Variants in GPNMB observed in about 807,000 individuals in gnomAD.
GPNMB encodes the protein glycoprotein nmb, also known as transmembrane glycoprotein NMB.
In GPNMB, 71 loss-of-function variants were observed where a neutral mutation model predicts 57.3. The observed-to-expected ratio is 1.24, with a 90% CI of 1.02 to 1.51. GPNMB has a LOEUF of 1.51. Ranked by LOEUF, GPNMB falls within the 40% of genes most tolerant of loss-of-function variation. The probability of loss-of-function intolerance (pLI) is 0.00; values close to 1 mark genes in which losing one functional copy is unlikely to be tolerated. For missense variants in GPNMB, 677 were observed against 691.9 expected (o/e 0.98, Z 0.24); for synonymous variants, 253 against 263.2 (o/e 0.96, Z 0.38).
chr7:23,263,978 C>T (rs1782994571), intron 6 of GPNMB, among the ~76,000 whole-genome samples: 2 of 151,850 alleles, frequency 1.3e-5, no homozygotes, highest in Non-Finnish European at 2.9e-5. Context: ...GAAGAGGTGA[C>T]CCAGGTAGAT....
intron 7 of GPNMB, 85 bp from the exon 8 acceptor site, chr7:23,267,801 T>A: frequency 1.1e-6 from 1 of 938,352 alleles, no homozygotes; most frequent in Non-Finnish European, 1.7e-6. Flanking sequence ...GACACAAACA[T>A]TCAATCTATA....
intron 9 of GPNMB, among the ~76,000 whole-genome samples, chr7:23,270,661 C>T (rs1783182243): frequency 6.6e-6 from 1 of 152,220 alleles, no homozygotes; most frequent in Non-Finnish European, 1.5e-5. Flanking sequence ...CATGCATCCT[C>T]TCTTTCCCTT....
chr7:23,269,161 T>G (rs926698986), intron 8 of GPNMB, among the ~76,000 whole-genome samples: 1 of 152,060 alleles, frequency 6.6e-6, no homozygotes, highest in African/African-American at 2.4e-5. Flanking sequence ...CTGAGGCGGT[T>G]GATCACCTGA....
chr7:23,255,759 T>C (rs894223703), intron 3 of GPNMB, among the ~76,000 whole-genome samples: 2 of 152,238 alleles, frequency 1.3e-5, no homozygotes, highest in African/African-American at 4.8e-5. Flanking sequence ...TTTTTATTGA[T>C]ACATGATAAT....
intron 3 of GPNMB, among the ~76,000 whole-genome samples, chr7:23,255,252 C>T (rs1583818368): frequency 6.6e-6 from 1 of 152,082 alleles, no homozygotes. Flanking sequence ...CATTTGACCT[C>T]GTGGTCCGCC....
chr7:23,267,429 ATGTCTT>A (rs1448855903), intron 7 of GPNMB, among the ~76,000 whole-genome samples: 2 of 151,972 alleles, frequency 1.3e-5, no homozygotes, highest in East Asian at 3.9e-4. Context: ...TCACTTTCTG[ATGTCTT>A]AAGAGCTGTA....
In GPNMB at chr7:23,257,437, G is replaced by A. The variant is rs183108679; in HGVS notation, c.541+372G>A. 570 of 338,264 alleles carry A rather than the reference G, an allele frequency of 1.7e-3. 3 individuals carry two copies. The highest frequency in any genetic ancestry group is 0.015 in the Middle Eastern group (17 of 1,102). 21.0% of individuals were successfully genotyped at this position (338,264 alleles called of 1,614,324 possible). ...TTGTAATCCCAGCACCTTGGAAGGC[G>A]GAGGCGGGTGGATCACCTGAAGTCA... On this transcript the variant is annotated intron_variant, in intron 4 of 10. Coordinates refer to ENST00000258733, the MANE Select transcript of GPNMB (RefSeq NM_002510.3).
chr7:23,260,598 C>T lies in GPNMB; in HGVS notation c.843C>T (p.Tyr281=). 6.2e-7 allele frequency: 1 copy of T among 1,613,988 alleles called. No homozygotes were observed. The highest frequency in any genetic ancestry group is 2.2e-5 in the East Asian group (1 of 44,880). The stretch of plus-strand genomic sequence containing the variant: ...TCCTCAATTATTCTACCATTAACTA[C>T]AAGTGGAGCTTCGGGGATAATACTG... The part of the protein sequence containing the change: ...SHFLNYSTIN[Y]KWSFGDNTGL... The change falls in exon 6 of 11, where the codon TAC becomes TAT. Residue 281 remains tyrosine, a synonymous_variant. Coordinates refer to ENST00000258733, the MANE Select transcript of GPNMB (RefSeq NM_002510.3).
chr7:23,260,356 C>A, intron 5 of GPNMB, 100 bp from the exon 6 acceptor site: 1 of 1,083,950 alleles, frequency 9.2e-7, no homozygotes, highest in Non-Finnish European at 1.3e-6. Context: ...GCTAAATTAT[C>A]CCTCATTTTA....
chr7:23,268,113 T>C, intron 8 of GPNMB, 125 bp downstream of exon 8: 1 of 661,026 alleles, frequency 1.5e-6, no homozygotes, highest in Non-Finnish European at 2.7e-6. Context: ...TGAATTCCTA[T>C]TTACTGGTAA....
intron 8 of GPNMB, 85 bp downstream of exon 8, chr7:23,268,073 C>G: frequency 1.2e-6 from 1 of 803,632 alleles, no homozygotes; most frequent in South Asian, 1.5e-5. Flanking sequence ...CCAGTTACCC[C>G]TTTTAAGTTG....
chr7:23,254,840 A>G (rs934871022), intron 3 of GPNMB, among the ~76,000 whole-genome samples: 3 of 152,194 alleles, frequency 2.0e-5, no homozygotes, highest in African/African-American at 7.2e-5. Context: ...AAATACATCA[A>G]GGGAAATTAT....
At chr7:23,254,487 G>A (rs1433865394) in intron 3 of GPNMB, among the ~76,000 whole-genome samples, 175 bp downstream of exon 3, 1 of 152,154 alleles carries the variant, frequency 6.6e-6, no homozygotes, top group Non-Finnish European at 1.5e-5. Flanking sequence ...CAACATCAAC[G>A]TCAGCCAGAC....
intron 10 of GPNMB, 96 bp from the exon 11 acceptor site, chr7:23,273,969 T>G (rs1360936347): frequency 4.4e-6 from 4 of 915,510 alleles, no homozygotes; most frequent in Non-Finnish European, 6.7e-6. Context: ...TTAAATGGAA[T>G]GAATCCTTTT....
At chr7:23,262,573 T>C (rs531253148) in intron 6 of GPNMB, among the ~76,000 whole-genome samples, 2 of 150,696 alleles carry the variant, frequency 1.3e-5, no homozygotes, top group South Asian at 4.2e-4. Context: ...TAGTGTTTCA[T>C]AGAATGTATG....
intron 1 of GPNMB, among the ~76,000 whole-genome samples, chr7:23,251,251 A>G (rs1486703506): frequency 6.6e-6 from 1 of 152,208 alleles, no homozygotes; most frequent in Non-Finnish European, 1.5e-5. Flanking sequence ...AATAGAAGGA[A>G]TAGGTCAGAG....
At chr7:23,267,785 CG>C in intron 7 of GPNMB, 100 bp from the exon 8 acceptor site, 2 of 844,924 alleles carry the variant, frequency 2.4e-6, no homozygotes, top group Admixed American at 1.9e-5. Flanking sequence ...ATATGAATTT[CG>C]GAGGGACACA....
At chr7:23,259,477 C>T (rs1350311951) in intron 4 of GPNMB, among the ~76,000 whole-genome samples, 1 of 152,166 alleles carries the variant, frequency 6.6e-6, no homozygotes, top group Admixed American at 6.6e-5. Flanking sequence ...CTACCGCGCC[C>T]AGCCACTTGC....
chr7:23,260,898 AC>A lies in GPNMB; in HGVS notation c.1018+127del, dbSNP rs1459212017. On this transcript the variant is annotated intron_variant, in intron 6 of 10. Coordinates refer to ENST00000258733, the MANE Select transcript of GPNMB (RefSeq NM_002510.3). ...GGACTCTGCGGTGATTCCATTTTCT[AC>A]CTGTTGATTTTTTAAAGCAAAGTTA... 5 of 687,526 alleles carry A rather than the reference AC, an allele frequency of 7.3e-6. No homozygotes were observed. In the East Asian group the frequency reaches 1.5e-4, roughly 20 times the overall value. The allele number at this position is 687,526 out of a possible 1,614,324, so 42.6% of individuals were successfully genotyped here. A position where few individuals can be genotyped will look rare whatever the true frequency, so the allele number is the denominator to read the frequency against.
Sources: gnomAD v4.1 joint callset for allele counts (sites outside exome capture counted in the v4.1 genomes callset) on GRCh38, gnomAD v4.1.1 for gene constraint, MANE v1.5 for transcripts, NCBI Gene and HGNC (gene_info 2026-07-23, HGNC 2026-07-21) for gene names.